NEK11: variants seen among roughly 807,000 people sequenced by gnomAD.
NEK11 encodes NIMA related kinase 11, also known as serine/threonine-protein kinase Nek11.
In NEK11, 72 loss-of-function variants were observed where a neutral mutation model predicts 80.7. That is an observed-to-expected ratio of 0.89 (90% CI 0.74 to 1.08). The LOEUF is 1.08. Among genes scored for constraint, NEK11 ranks in the 50% least tolerant of loss-of-function variants. The pLI, the probability that NEK11 is intolerant of heterozygous loss-of-function variation, is 0.00. For synonymous variants in NEK11, 251 were observed against 260.7 expected, an observed-to-expected ratio of 0.96 and a Z score of 0.36; for missense variants, 764 against 763.6, an observed-to-expected ratio of 1.00 and a Z score of -0.01.
intron 4 of NEK11, among the ~76,000 whole-genome samples, chr3:131,085,656 A>G (rs1337351003): frequency 6.6e-6 from 1 of 152,174 alleles, no homozygotes; most frequent in Non-Finnish European, 1.5e-5. Context: ...TGATGTGATA[A>G]AAGGCTCAGA....
chr3:131,319,338 T>C (rs1342349979), intron 17 of NEK11, among the ~76,000 whole-genome samples: 1 of 152,148 alleles, frequency 6.6e-6, no homozygotes, highest in Non-Finnish European at 1.5e-5. Context: ...AGGCACATCA[T>C]TACAAATAAG....
chr3:131,083,342 G>A (rs1223942983), intron 4 of NEK11, among the ~76,000 whole-genome samples: 2 of 148,324 alleles, frequency 1.3e-5, no homozygotes, highest in African/African-American at 4.9e-5. Flanking sequence ...TCTCCCGGGA[G>A]GGGCTGTTGC....
At chr3:131,157,616 A>G (rs2090894874) in intron 10 of NEK11, among the ~76,000 whole-genome samples, 1 of 152,168 alleles carries the variant, frequency 6.6e-6, no homozygotes, top group South Asian at 2.1e-4. Flanking sequence ...AACAGCTGCC[A>G]CTGAGGGACC....
At chr3:131,162,337 T>C in intron 10 of NEK11, 71 bp from the exon 11 acceptor site, 3 of 1,562,730 alleles carry the variant, frequency 1.9e-6, no homozygotes, top group South Asian at 1.2e-5. Context: ...GATACTTTTA[T>C]AAAATATTTG....
intron 3 of NEK11, among the ~76,000 whole-genome samples, chr3:131,035,094 C>G (rs1208132668): frequency 6.6e-6 from 1 of 152,162 alleles, no homozygotes; most frequent in Non-Finnish European, 1.5e-5. Flanking sequence ...TCTCATATGT[C>G]TGCCTGAGAT....
intron 14 of NEK11, among the ~76,000 whole-genome samples, chr3:131,192,099 A>G (rs888181678): frequency 6.6e-6 from 1 of 152,154 alleles, no homozygotes; most frequent in African/African-American, 2.4e-5. Flanking sequence ...ACAACAAATC[A>G]AACAGCCCAA....
At chr3:131,246,681 A>T (rs550364181) in intron 16 of NEK11, among the ~76,000 whole-genome samples, 12 of 152,220 alleles carry the variant, frequency 7.9e-5, no homozygotes, top group African/African-American at 2.9e-4. Flanking sequence ...CCTTTAAATA[A>T]TTTTCATACT....
At chr3:131,223,872 G>T (rs1254020804) in intron 14 of NEK11, among the ~76,000 whole-genome samples, 1 of 151,974 alleles carries the variant, frequency 6.6e-6, no homozygotes, top group African/African-American at 2.4e-5. Context: ...ATTCCATATT[G>T]CCCATTTCAG....
chr3:131,162,621 C>A (rs1256646130), intron 11 of NEK11, 94 bp downstream of exon 11: 1 of 1,386,100 alleles, frequency 7.2e-7, no homozygotes, highest in Non-Finnish European at 1.0e-6. Flanking sequence ...AAACAGGAAA[C>A]CCCAATGCAT....
At chr3:131,192,532 A>G (rs1395891447) in intron 14 of NEK11, among the ~76,000 whole-genome samples, 1 of 152,178 alleles carries the variant, frequency 6.6e-6, no homozygotes, top group Non-Finnish European at 1.5e-5. Flanking sequence ...GGTGAAAACA[A>G]CTCAAATGTC....
At chr3:131,113,456 A>G (rs1394945851) in intron 5 of NEK11, among the ~76,000 whole-genome samples, 1 of 152,204 alleles carries the variant, frequency 6.6e-6, no homozygotes, top group Non-Finnish European at 1.5e-5. Flanking sequence ...TCAGAAGCCA[A>G]TAAGTGGGAA....
Position 131,152,613 on chromosome 3 carries a change from T to C in NEK11, c.798-18T>C. The C allele has an allele frequency of 3.7e-6, 6 of 1,608,550 alleles. No homozygotes were observed. Among genetic ancestry groups the C allele is most frequent in the Non-Finnish European group, 5.1e-6 (6 of 1,177,948 alleles). On this transcript the variant is annotated intron_variant, in intron 8 of 17. Transcript: ENST00000383366. The stretch of plus-strand genomic sequence containing the variant: ...TTTTAGTTTACCTGAAAAATAATTT[T>C]CTGTTTAAACATTACAGCATGTTGA...
At chr3:131,278,972 T>C (rs1238819676) in intron 17 of NEK11, among the ~76,000 whole-genome samples, 8 of 152,086 alleles carry the variant, frequency 5.3e-5, no homozygotes. Context: ...GTTTGAGACA[T>C]TTGTTACCAG....
At chr3:131,237,194 G>A (rs1580681857) in intron 15 of NEK11, among the ~76,000 whole-genome samples, 3 of 152,004 alleles carry the variant, frequency 2.0e-5, no homozygotes, top group African/African-American at 7.3e-5. Context: ...TTTTAAAATA[G>A]CTGAGCATGG....
At chr3:131,297,418 A>G (rs1321075281) in intron 17 of NEK11, among the ~76,000 whole-genome samples, 1 of 151,632 alleles carries the variant, frequency 6.6e-6, no homozygotes, top group Non-Finnish European at 1.5e-5. Flanking sequence ...GCCAGTGATG[A>G]TGAGCATTTT....
At chr3:131,157,626 C>A (rs2090898400) in intron 10 of NEK11, among the ~76,000 whole-genome samples, 2 of 152,094 alleles carry the variant, frequency 1.3e-5, no homozygotes, top group Non-Finnish European at 2.9e-5. Flanking sequence ...ACTGAGGGAC[C>A]AGGATGACTG....
chr3:131,147,243 A>G (rs2088560321), intron 7 of NEK11, among the ~76,000 whole-genome samples: 1 of 152,060 alleles, frequency 6.6e-6, no homozygotes, highest in South Asian at 2.1e-4. Flanking sequence ...GTATGTGACT[A>G]TATGGTATGA....
intron 4 of NEK11, among the ~76,000 whole-genome samples, chr3:131,083,755 A>G (rs1035631654): frequency 6.6e-5 from 10 of 152,330 alleles, no homozygotes; most frequent in East Asian, 1.9e-4. Context: ...CTTTGGACAC[A>G]TACATCAGAT....
At chr3:131,295,250 C>T (rs1407231276) in intron 17 of NEK11, among the ~76,000 whole-genome samples, 1 of 151,636 alleles carries the variant, frequency 6.6e-6, no homozygotes, top group Non-Finnish European at 1.5e-5. Context: ...GGTTGAGTAT[C>T]CCTTATCTGA....
Sources: allele counts gnomAD v4.1 joint callset (sites outside exome capture counted in the v4.1 genomes callset), GRCh38; gene constraint gnomAD v4.1.1; transcripts MANE v1.5; gene names NCBI Gene and HGNC (gene_info 2026-07-23, HGNC 2026-07-21).